Variants in BUB1 observed in about 807,000 individuals in gnomAD.
BUB1 encodes mitotic checkpoint serine/threonine-protein kinase BUB1.
In BUB1, 84 loss-of-function variants were observed where a neutral mutation model predicts 135.2. That is an observed-to-expected ratio of 0.62 (90% CI 0.52 to 0.74). The LOEUF is 0.74. Among genes scored for constraint, BUB1 ranks in the 30% least tolerant of loss-of-function variants. The pLI, the probability that BUB1 is intolerant of heterozygous loss-of-function variation, is 0.00. For synonymous variants in BUB1, 403 were observed against 434.4 expected (o/e 0.93, Z 0.90); for missense variants, 1,162 against 1,288.3 (o/e 0.90, Z 1.50).
At chr2:110,650,859 TCC>T in intron 17 of BUB1, 75 bp from the exon 18 acceptor site, 1 of 1,348,272 alleles carries the variant, frequency 7.4e-7, no homozygotes, top group Non-Finnish European at 1.0e-6. Context: ...CACATGAAAT[TCC>T]CTTCTCATTC....
intron 8 of BUB1, among the ~76,000 whole-genome samples, 199 bp from the exon 9 acceptor site, chr2:110,666,613 A>G (rs1690263052): frequency 6.6e-6 from 1 of 150,982 alleles, no homozygotes; most frequent in Non-Finnish European, 1.5e-5. Context: ...TGTTTAGGAC[A>G]TGTAAATTAC....
rs764042909 is a variant in BUB1 at position 110,639,791 on chromosome 2, T to G, written c.3013A>C (p.Lys1005Gln). 1 of 1,614,132 alleles carries G rather than the reference T, an allele frequency of 6.2e-7. No individual in the cohort carries two copies. The highest frequency in any genetic ancestry group is 1.7e-5 in the Admixed American group (1 of 60,018). Residue 1005 changes from lysine to glutamine, a missense_variant, in exon 24 of 25, where the codon AAA (lysine) becomes CAA (glutamine). Lys to Gln is a moderately conservative substitution (Grantham distance 53). Transcript: ENST00000302759. Reference protein sequence around the residue: ...VYCMLFGTYMKVKNEGGECKP... With the variant: ...VYCMLFGTYMQVKNEGGECKP... ...CACTCTCCTCCTTCATTTTTCACTT[T>G]CATGTAAGTGCCAAAGAGCATGCAA...
chr2:110,669,541 T>G lies in BUB1; in HGVS notation c.479A>C (p.Glu160Ala). 5 of 1,604,774 alleles carry G rather than the reference T, an allele frequency of 3.1e-6. No individual in the cohort carries two copies. Among genetic ancestry groups the G allele is most frequent in the Non-Finnish European group, 4.3e-6 (5 of 1,171,932 alleles). ...TAAAACCTGAACATTATGCAGAGGT[T>G]CTGAGGTTCTAGCTATGAGGGAAAA... ...THLPAQARTS[E>A]PLHNVQVLNQ... Residue 160 changes from glutamate to alanine, a missense_variant, in exon 6 of 25, where the codon GAA becomes GCA. Glu to Ala is a moderately radical substitution (Grantham distance 107). Transcript: ENST00000302759.
At chr2:110,655,091 C>T (rs1689892684) in intron 16 of BUB1, among the ~76,000 whole-genome samples, 1 of 152,092 alleles carries the variant, frequency 6.6e-6, no homozygotes, top group Non-Finnish European at 1.5e-5. Context: ...ATTATCTGTG[C>T]TCAATGACAA....
chr2:110,663,788 G>C (rs920971371), intron 9 of BUB1, among the ~76,000 whole-genome samples: 3 of 152,196 alleles, frequency 2.0e-5, no homozygotes, highest in African/African-American at 7.2e-5. Context: ...CAACACTTTG[G>C]GGGGCCAAGG....
chr2:110,666,512 G>A (rs1375040233), intron 8 of BUB1, 98 bp from the exon 9 acceptor site: 3 of 938,510 alleles, frequency 3.2e-6, no homozygotes, highest in East Asian at 3.3e-5. Context: ...TTAGGGGGCC[G>A]ATTTTTTTAT....
At chr2:110,650,430 C>T in intron 18 of BUB1, 116 bp downstream of exon 18, 1 of 908,226 alleles carries the variant, frequency 1.1e-6, no homozygotes, top group Non-Finnish European at 1.7e-6. Context: ...TCTGAACTCA[C>T]TGACATCTGT....
intron 6 of BUB1, among the ~76,000 whole-genome samples, chr2:110,668,921 T>C (rs1168211788): frequency 2.0e-5 from 3 of 152,196 alleles, no homozygotes; most frequent in Non-Finnish European, 2.9e-5. Context: ...AAAATCACTA[T>C]AGTTTGGCGC....
intron 15 of BUB1, 134 bp from the exon 16 acceptor site, chr2:110,656,050 GC>G: frequency 1.4e-6 from 1 of 740,254 alleles, no homozygotes; most frequent in Non-Finnish European, 2.1e-6. Flanking sequence ...GGCTAATACA[GC>G]CCACAATATC....
At chr2:110,657,678 T>C in intron 13 of BUB1, 33 bp from the exon 14 acceptor site, 2 of 1,455,584 alleles carry the variant, frequency 1.4e-6, no homozygotes, top group East Asian at 2.3e-5. Context: ...ATCTAATTAT[T>C]GTACTAGGAA....
intron 19 of BUB1, among the ~76,000 whole-genome samples, chr2:110,646,167 CAAAAAAAAAAA>C (rs1157342273): frequency 1.8e-5 from 1 of 54,738 alleles, no homozygotes; most frequent in Non-Finnish European, 3.9e-5. Context: ...TATCTCTACC[CAAAAAAAAAAA>C]AAAAAAAAAA....
At chr2:110,645,709 C>T (rs1460471911) in intron 19 of BUB1, among the ~76,000 whole-genome samples, 4 of 151,908 alleles carry the variant, frequency 2.6e-5, no homozygotes, top group Admixed American at 2.0e-4. Context: ...CTTACAGGCA[C>T]GTGTTGCCAT....
At chr2:110,646,167 C>CAAAA (rs1157342273) in intron 19 of BUB1, among the ~76,000 whole-genome samples, 1 of 54,722 alleles carries the variant, frequency 1.8e-5, no homozygotes. Context: ...TATCTCTACC[C>CAAAA]AAAAAAAAAA....
chr2:110,643,780 T>C (rs1006400910), intron 19 of BUB1, among the ~76,000 whole-genome samples: 10 of 152,102 alleles, frequency 6.6e-5, no homozygotes, highest in African/African-American at 2.2e-4. Context: ...GGTGGGATTA[T>C]AGGAATGAGC....
chr2:110,668,673 A>G (rs978894739), intron 6 of BUB1, among the ~76,000 whole-genome samples: 1 of 152,012 alleles, frequency 6.6e-6, no homozygotes, highest in African/African-American at 2.4e-5. Context: ...TTGATACACC[A>G]TGGAGGCAGA....
At chr2:110,674,037 A>G (rs371790296) in intron 3 of BUB1, 49 bp downstream of exon 3, 238 of 1,399,526 alleles carry the variant, frequency 1.7e-4, no homozygotes, top group Non-Finnish European at 2.1e-4. Flanking sequence ...TTAAAAAGCA[A>G]AAGTACAACA....
chr2:110,673,496 G>A (rs927012821), intron 3 of BUB1, among the ~76,000 whole-genome samples: 16 of 151,646 alleles, frequency 1.1e-4, no homozygotes, highest in Non-Finnish European at 1.5e-5. Flanking sequence ...GGAATCTGAA[G>A]TTATTTTCAG....
chr2:110,667,890 G>T, intron 6 of BUB1, 41 bp from the exon 7 acceptor site: 1 of 1,591,404 alleles, frequency 6.3e-7, no homozygotes, highest in Non-Finnish European at 8.6e-7. Context: ...ACTTATCTGA[G>T]AAGAAAGCTT....
chr2:110,659,688 CCTAACATACTAAAGATGACTCT>C (rs1253259127), intron 11 of BUB1, among the ~76,000 whole-genome samples: 1 of 152,196 alleles, frequency 6.6e-6, no homozygotes, highest in Non-Finnish European at 1.5e-5. Flanking sequence ...ACCTTTCCTA[CCTAACATACTAAAGATGACTCT>C]GTTTTGGATT....
Sources: allele counts gnomAD v4.1 joint callset (sites outside exome capture counted in the v4.1 genomes callset), GRCh38; gene constraint gnomAD v4.1.1; transcripts MANE v1.5; gene names NCBI Gene and HGNC (gene_info 2026-07-23, HGNC 2026-07-21).